ADGRA1: variants seen among roughly 807,000 people sequenced by gnomAD.
ADGRA1 encodes adhesion G protein-coupled receptor A1.
In ADGRA1, 12 loss-of-function variants were observed where a neutral mutation model predicts 21.3. The ratio of observed to expected loss-of-function variants is 0.56; its 90% CI spans 0.36 to 0.91. The LOEUF (loss-of-function observed/expected upper bound fraction) is 0.91. ADGRA1 is among the 40% of genes least tolerant of loss of function. ADGRA1 has a pLI of 0.01. For missense variants in ADGRA1, 790 were observed against 805.6 expected, an observed-to-expected ratio of 0.98 and a Z score of 0.23; for synonymous variants, 385 against 368.8, an observed-to-expected ratio of 1.04 and a Z score of -0.50.
chr10:133,101,325 T>C (rs957155890), intron 4 of ADGRA1, among the ~76,000 whole-genome samples: 1 of 152,188 alleles, frequency 6.6e-6, no homozygotes, highest in Non-Finnish European at 1.5e-5. Flanking sequence ...GGACTGTTGC[T>C]ATGGCAACAA....
At chr10:133,106,517 A>T (rs1447509280) in intron 5 of ADGRA1, among the ~76,000 whole-genome samples, 1 of 152,222 alleles carries the variant, frequency 6.6e-6, no homozygotes, top group Non-Finnish European at 1.5e-5. Flanking sequence ...ATCCACCCAC[A>T]TGCATCCCTG....
chr10:133,121,389 GGTGT>G lies in ADGRA1; in HGVS notation c.402-5839_402-5836del, dbSNP rs202168061. 1.6e-3 allele frequency among the ~76,000 whole-genome samples: 240 copies of G among 151,966 alleles called. 1 individual carries two copies. The highest frequency in any genetic ancestry group is 2.6e-3 in the Non-Finnish European group (179 of 67,974). On this transcript the variant is annotated intron_variant, in intron 5 of 6. Coordinates refer to ENST00000392607, the MANE Select transcript of ADGRA1 (RefSeq NM_001083909.3). ...CCAGGGTACGTGTGTGCATGTGTGT[GGTGT>G]GTGTCAGTGTGCGTGTGTGCATGTG... is the stretch of plus-strand genomic sequence containing the variant.
At chr10:133,092,704 G>A (rs1262088943) in intron 2 of ADGRA1, among the ~76,000 whole-genome samples, 1 of 147,048 alleles carries the variant, frequency 6.8e-6, no homozygotes, top group Admixed American at 7.0e-5. Context: ...AGAGAAACAG[G>A]AAGAACCAGG....
At chr10:133,104,659 C>T (rs1444816423) in intron 5 of ADGRA1, among the ~76,000 whole-genome samples, 1 of 152,162 alleles carries the variant, frequency 6.6e-6, no homozygotes, top group African/African-American at 2.4e-5. Context: ...GACATTGTGG[C>T]AGGGGGTGTC....
rs75238360 is a variant in ADGRA1 at position 133,114,986 on chromosome 10, G to A, written c.401+12144G>A. On this transcript the variant is annotated intron_variant, in intron 5 of 6. Coordinates refer to ENST00000392607, the MANE Select transcript of ADGRA1 (RefSeq NM_001083909.3). The stretch of plus-strand genomic sequence containing the variant: ...CTGTGAAAAATGACCTCAGTGCATC[G>A]AAGGCCCCCAGGGGCCGCAACTCCA... Among the ~76,000 whole-genome samples, 1,576 of 152,312 alleles carry A rather than the reference G, an allele frequency of 0.01. 54 individuals carry two copies. The East Asian group carries it at 0.12, about 12-fold the overall frequency.
intron 5 of ADGRA1, among the ~76,000 whole-genome samples, chr10:133,106,624 G>A (rs940118600): frequency 6.6e-5 from 10 of 152,272 alleles, no homozygotes; most frequent in Admixed American, 1.3e-4. Flanking sequence ...CCCCCAGGAA[G>A]GGCACCAGCC....
Position 133,128,508 on chromosome 10 carries a change from G to A in ADGRA1, c.680G>A (p.Gly227Asp). The change falls in exon 7 of 7, where the codon GGC becomes GAC. Residue 227 changes from glycine to aspartate, a missense_variant. Transcript: ENST00000392607. Reference sequence around the variant, plus strand: ...CGGCGGCTGGCGACACCCGAGGGCGGCCGTGGGATCCGGCCAGGCACCCCA... The same window carrying A: ...CGGCGGCTGGCGACACCCGAGGGCGACCGTGGGATCCGGCCAGGCACCCCA... ...EQRRLATPEG[G>D]RGIRPGTPPA... The A allele has an allele frequency of 6.5e-7, 1 of 1,549,366 alleles. No individual in the cohort carries two copies. The highest frequency in any genetic ancestry group is 8.7e-7 in the Non-Finnish European group (1 of 1,148,328).
At chr10:133,122,315 A>G (rs532072068) in intron 5 of ADGRA1, among the ~76,000 whole-genome samples, 2 of 152,300 alleles carry the variant, frequency 1.3e-5, no homozygotes, top group East Asian at 3.9e-4. Flanking sequence ...CCACACCTGC[A>G]GTCTGCGTCC....
chr10:133,110,317 G>T (rs546503948), intron 5 of ADGRA1, among the ~76,000 whole-genome samples: 1 of 152,252 alleles, frequency 6.6e-6, no homozygotes, highest in Non-Finnish European at 1.5e-5. Flanking sequence ...TGCCAGCTCC[G>T]CTGGCCACAG....
intron 5 of ADGRA1, among the ~76,000 whole-genome samples, chr10:133,121,333 C>T (rs1393278737): frequency 2.0e-5 from 3 of 152,220 alleles, no homozygotes; most frequent in African/African-American, 7.2e-5. Context: ...TGCACCTGTG[C>T]ACGTGTGAGT....
At chr10:133,108,114 G>T (rs1277140047) in intron 5 of ADGRA1, among the ~76,000 whole-genome samples, 1 of 152,240 alleles carries the variant, frequency 6.6e-6, no homozygotes, top group Non-Finnish European at 1.5e-5. Flanking sequence ...GTGCCTCAAG[G>T]TTAGGCCTGG....
At chr10:133,105,310 G>A (rs1429552488) in intron 5 of ADGRA1, among the ~76,000 whole-genome samples, 1 of 152,178 alleles carries the variant, frequency 6.6e-6, no homozygotes, top group Non-Finnish European at 1.5e-5. Context: ...GGCAGTGGCC[G>A]AGTCTCAGCC....
At chr10:133,127,077 C>T (rs553196312) in intron 5 of ADGRA1, among the ~76,000 whole-genome samples, 156 bp from the exon 6 acceptor site, 1 of 104,892 alleles carries the variant, frequency 9.5e-6, no homozygotes, top group African/African-American at 3.5e-5. Flanking sequence ...GGTCAGTGGT[C>T]GGGGGTCGGG....
At chr10:133,092,980 C>G in intron 2 of ADGRA1, 1 of 1,590,052 alleles carries the variant, frequency 6.3e-7, no homozygotes, top group South Asian at 1.1e-5. Flanking sequence ...GACCTGGCCC[C>G]GGACACCTCA....
chr10:133,112,484 CGGTTATTTGGGGTCTGTAAGCAGTGTT>C lies in ADGRA1; in HGVS notation c.401+9659_401+9685del, dbSNP rs1428849600. Reference sequence around the variant, plus strand: ...GTTATTTGGGGTCTGCGGGCCGCGTCGGTTATTTGGGGTCTGTAAGCAGTGTTGGTTATTTGGGGTCTGCAGGCCGCG... The same window carrying C: ...GTTATTTGGGGTCTGCGGGCCGCGTCGGTTATTTGGGGTCTGCAGGCCGCG... On this transcript the variant is annotated intron_variant, in intron 5 of 6. Transcript: ENST00000392607. Among the ~76,000 whole-genome samples, 31 of 146,586 alleles carry C rather than the reference CGGTTATTTGGGGTCTGTAAGCAGTGTT, an allele frequency of 2.1e-4. No individual in the cohort carries two copies. In the South Asian group the frequency reaches 4.6e-3, roughly 22 times the overall value.
At chr10:133,127,751 C>T (rs1186523340) in intron 6 of ADGRA1, among the ~76,000 whole-genome samples, 2 of 126,640 alleles carry the variant, frequency 1.6e-5, no homozygotes, top group East Asian at 4.3e-4. Context: ...CGCCCGTCTG[C>T]CCTCCGCCTT....
At chr10:133,094,906 G>A (rs1385753998) in intron 2 of ADGRA1, among the ~76,000 whole-genome samples, 3 of 152,194 alleles carry the variant, frequency 2.0e-5, no homozygotes, top group Non-Finnish European at 4.4e-5. Flanking sequence ...TGGATAACCT[G>A]ATGTCGGGAT....
intron 5 of ADGRA1, among the ~76,000 whole-genome samples, chr10:133,112,593 G>T (rs1185524645): frequency 6.9e-6 from 1 of 143,926 alleles, no homozygotes; most frequent in Non-Finnish European, 1.5e-5. Flanking sequence ...GGGCCGTGTC[G>T]GTTATTTGGA....
chr10:133,128,750 G>A lies in ADGRA1; in HGVS notation c.922G>A (p.Ala308Thr), dbSNP rs1214023137. The part of the protein sequence containing the change: ...LGLFVLIHHC[A>T]KREDVWQCWW... ...ACTCTTCGTGCTCATCCACCACTGC[G>A]CCAAGCGTGAGGACGTGTGGCAGTG... is the stretch of plus-strand genomic sequence containing the variant. The change falls in exon 7 of 7, where the codon GCC becomes ACC. Residue 308 changes from alanine (A) to threonine (T), a missense_variant. Ala to Thr is a moderately conservative substitution (Grantham distance 58, BLOSUM62 0). Coordinates refer to ENST00000392607, the MANE Select transcript of ADGRA1 (RefSeq NM_001083909.3). 3 of 1,611,810 alleles carry A rather than the reference G, an allele frequency of 1.9e-6. No individual in the cohort carries two copies. The highest frequency in any genetic ancestry group is 1.1e-5 in the South Asian group (1 of 91,054).
Sources: allele counts gnomAD v4.1 joint callset (sites outside exome capture counted in the v4.1 genomes callset), GRCh38; gene constraint gnomAD v4.1.1; transcripts MANE v1.5; gene names NCBI Gene and HGNC (gene_info 2026-07-23, HGNC 2026-07-21).